Variants in MTMR1 observed in about 807,000 individuals in gnomAD.
MTMR1 encodes myotubularin related protein 1.
MTMR1 carries 17 observed loss-of-function variants against 51.6 expected under a neutral mutation model. The observed-to-expected ratio is 0.33, with a 90% CI of 0.23 to 0.49. MTMR1 has a LOEUF of 0.49. MTMR1 is among the 20% of genes least tolerant of loss of function. The pLI is 0.99. For synonymous variants in MTMR1, 201 were observed against 205.6 expected (o/e 0.98, Z 0.19); for missense variants, 386 against 526.9 (o/e 0.73, Z 2.62).
intron 3 of MTMR1, among the ~76,000 whole-genome samples, chrX:150,718,075 C>T (rs2041604400): frequency 8.9e-6 from 1 of 112,563 alleles, no homozygotes; most frequent in African/African-American, 3.2e-5. Context: ...CACACAGACA[C>T]ACACACACAC....
At chrX:150,740,441 C>G (rs912060083) in intron 12 of MTMR1, among the ~76,000 whole-genome samples, 1 of 112,021 alleles carries the variant, frequency 8.9e-6, no homozygotes, top group South Asian at 3.7e-4. Flanking sequence ...CTCATCTTCC[C>G]AACCTCTTAA....
intron 7 of MTMR1, 39 bp downstream of exon 7, chrX:150,730,249 TG>T: frequency 1.0e-6 from 1 of 959,095 alleles, no homozygotes; most frequent in Non-Finnish European, 1.4e-6. Flanking sequence ...CATGCATTTG[TG>T]GGGGTCCAAA....
At chrX:150,713,030 A>G (rs1193271973) in intron 3 of MTMR1, 26 of 777,507 alleles carry the variant, frequency 3.3e-5, no homozygotes, top group Non-Finnish European at 3.8e-5. Context: ...AAGGAAAACA[A>G]TGTGGATTTT....
intron 3 of MTMR1, among the ~76,000 whole-genome samples, chrX:150,715,129 C>T (rs971993125): frequency 8.9e-5 from 10 of 112,006 alleles, no homozygotes; most frequent in Admixed American, 2.8e-4. Context: ...TCAGCTGCAC[C>T]ATTGTCCACC....
chrX:150,763,144 G>A lies in MTMR1; in HGVS notation c.*415G>A, dbSNP rs1463206681. 5 of 124,916 alleles carry A rather than the reference G, an allele frequency of 4.0e-5. No individual in the cohort carries two copies. Among genetic ancestry groups the A allele is most frequent in the African/African-American group, 9.6e-5 (3 of 31,402 alleles). The allele number at this position is 124,916 out of a possible 1,213,427, so 10.3% of individuals were successfully genotyped here. ...AAAACTGTCTTGAATGAAGTACTTG[G>A]GGAGAAGACAGGCCACTGCCCTCTG... is the stretch of plus-strand genomic sequence containing the variant. On this transcript the variant is annotated 3_prime_UTR_variant, in exon 16 of 16. Coordinates refer to ENST00000445323, the MANE Select transcript of MTMR1 (RefSeq NM_001306144.3).
At position 150,755,872 on chromosome X, in the gene MTMR1, TTTTG is replaced by T. The variant is rs1557417744; in HGVS notation, c.1857+11_1857+14del. 1 of 1,181,540 alleles carries T rather than the reference TTTTG, an allele frequency of 8.5e-7. No individual in the cohort carries two copies. Among genetic ancestry groups the T allele is most frequent in the African/African-American group, 1.8e-5 (1 of 55,337 alleles). Reference sequence around the variant, plus strand: ...TCCACGGATGAGACCTCAGGTATCTTTTTGTTTTTCTTTTCATGAATGAGAGAGT... The same window carrying T: ...TCCACGGATGAGACCTCAGGTATCTTTTTTTCTTTTCATGAATGAGAGAGT... On this transcript the variant is annotated splice_region_variant and intron_variant, in intron 15 of 15. Coordinates refer to ENST00000445323, the MANE Select transcript of MTMR1 (RefSeq NM_001306144.3).
intron 4 of MTMR1, among the ~76,000 whole-genome samples, chrX:150,722,461 T>G (rs1291305871): frequency 8.9e-6 from 1 of 112,230 alleles, no homozygotes; most frequent in Non-Finnish European, 1.9e-5. Flanking sequence ...ACCTCGTTAT[T>G]ATCATGAAAT....
chrX:150,732,348 A>G (rs782661844), intron 9 of MTMR1, among the ~76,000 whole-genome samples, 194 bp from the exon 10 acceptor site: 159 of 111,654 alleles, frequency 1.4e-3, no homozygotes, highest in African/African-American at 4.8e-3. Context: ...TCATGTAGTC[A>G]GAATTGTTTC....
At chrX:150,760,099 C>G (rs1557417939) in intron 15 of MTMR1, among the ~76,000 whole-genome samples, 1 of 109,165 alleles carries the variant, frequency 9.2e-6, no homozygotes, top group Admixed American at 9.7e-5. Flanking sequence ...TTTGCATTCT[C>G]CCTCCATTGT....
intron 10 of MTMR1, among the ~76,000 whole-genome samples, chrX:150,734,459 G>C (rs1478307236): frequency 4.4e-5 from 5 of 112,490 alleles, no homozygotes; most frequent in African/African-American, 9.7e-5. Flanking sequence ...AGGCCCCCTT[G>C]CTCCCCACAT....
chrX:150,747,577 T>C (rs1557417489), intron 13 of MTMR1, among the ~76,000 whole-genome samples: 1 of 112,178 alleles, frequency 8.9e-6, no homozygotes, highest in African/African-American at 3.2e-5. Context: ...AAACTATGAA[T>C]TGCAGCGACC....
Position 150,760,661 on chromosome X carries a change from C to T in MTMR1, c.1858-1904C>T, listed in dbSNP as rs970816640. Among the ~76,000 whole-genome samples the T allele has an allele frequency of 7.1e-5, 8 of 112,095 alleles. No homozygotes were observed. In the East Asian group the frequency reaches 2.0e-3, roughly 27 times the overall value. On this transcript the variant is annotated intron_variant, in intron 15 of 15. Coordinates refer to ENST00000445323, the MANE Select transcript of MTMR1 (RefSeq NM_001306144.3). Reference sequence around the variant, plus strand: ...TGAGTAGGCCAGGCGCGGTGGCTCACGCCTGTAATCCCAGCAGTTTGGGAG... The same window carrying T: ...TGAGTAGGCCAGGCGCGGTGGCTCATGCCTGTAATCCCAGCAGTTTGGGAG...
In MTMR1 at chrX:150,732,547, G is replaced by A; in HGVS notation, c.897G>A (p.Leu299=). 2 of 1,207,182 alleles carry A rather than the reference G, an allele frequency of 1.7e-6. No individual in the cohort carries two copies. The highest frequency in any genetic ancestry group is 2.2e-6 in the Non-Finnish European group (2 of 892,719). The stretch of plus-strand genomic sequence containing the variant: ...TTATTGCTTAAAAACACTAGGTGTT[G>A]TCATGGATTCATCCGGAAAGTCAAG... ...AFRAKGRVPV[L]SWIHPESQAT... Residue 299 remains leucine, a synonymous_variant, in exon 10 of 16, where the codon TTG becomes TTA. Coordinates refer to ENST00000445323, the MANE Select transcript of MTMR1 (RefSeq NM_001306144.3).
chrX:150,732,788 CATT>C (rs782309043), intron 10 of MTMR1, 58 bp downstream of exon 10: 28 of 1,042,824 alleles, frequency 2.7e-5, no homozygotes, highest in Non-Finnish European at 3.4e-5. Flanking sequence ...GTCTGTAAAT[CATT>C]ATGCAGTTGG....
At chrX:150,716,515 T>C (rs2041522034) in intron 3 of MTMR1, among the ~76,000 whole-genome samples, 1 of 112,704 alleles carries the variant, frequency 8.9e-6, no homozygotes, top group African/African-American at 3.2e-5. Context: ...TGGCAGAAAA[T>C]GTCTTTAAAA....
At chrX:150,727,000 C>T (rs1470825145) in intron 4 of MTMR1, 7 of 272,572 alleles carry the variant, frequency 2.6e-5, no homozygotes, top group African/African-American at 8.4e-5. Flanking sequence ...CTTAAAACCT[C>T]ATTAAGTAGC....
chrX:150,694,200 A>C (rs782440143), intron 1 of MTMR1, among the ~76,000 whole-genome samples: 3 of 109,856 alleles, frequency 2.7e-5, no homozygotes, highest in Non-Finnish European at 5.7e-5. Context: ...TCGAGGCAAA[A>C]ATCTGAGATG....
At chrX:150,760,772 A>T (rs2043089427) in intron 15 of MTMR1, among the ~76,000 whole-genome samples, 1 of 110,022 alleles carries the variant, frequency 9.1e-6, no homozygotes, top group African/African-American at 3.3e-5. Context: ...AAAAATACAA[A>T]AATTAGCCAG....
chrX:150,735,732 T>C, intron 10 of MTMR1: 1 of 313,954 alleles, frequency 3.2e-6, no homozygotes, highest in Non-Finnish European at 5.5e-6. Context: ...GTACACATTG[T>C]GGAATGGCTA....
Sources: allele counts gnomAD v4.1 joint callset (sites outside exome capture counted in the v4.1 genomes callset), GRCh38; gene constraint gnomAD v4.1.1; transcripts MANE v1.5; gene names NCBI Gene and HGNC (gene_info 2026-07-23, HGNC 2026-07-21).